PITPNC1: variants seen among roughly 807,000 people sequenced by gnomAD.
PITPNC1 encodes cytoplasmic phosphatidylinositol transfer protein 1.
PITPNC1 carries 18 observed loss-of-function variants against 44.7 expected under a neutral mutation model. That is an observed-to-expected ratio of 0.40 (90% CI 0.28 to 0.60). PITPNC1 has a LOEUF of 0.60. Among genes scored for constraint, PITPNC1 ranks in the 20% least tolerant of loss-of-function variants. The pLI, the probability that PITPNC1 is intolerant of heterozygous loss-of-function variation, is 0.39. For missense variants in PITPNC1, 290 were observed against 418.4 expected (o/e 0.69, Z 2.68); for synonymous variants, 141 against 149.6 (o/e 0.94, Z 0.42).
At chr17:67,544,438 A>G (rs911018453) in intron 2 of PITPNC1, among the ~76,000 whole-genome samples, 2 of 152,198 alleles carry the variant, frequency 1.3e-5, no homozygotes, top group African/African-American at 4.8e-5. Flanking sequence ...TGGAGAAAAG[A>G]TGGAGGCTAT....
At chr17:67,579,711 G>A (rs2041202767) in intron 5 of PITPNC1, among the ~76,000 whole-genome samples, 1 of 150,368 alleles carries the variant, frequency 6.7e-6, no homozygotes, top group Non-Finnish European at 1.5e-5. Flanking sequence ...GGCCAAGGTG[G>A]GCAGATTGTC....
At chr17:67,506,216 A>G (rs2040099015) in intron 1 of PITPNC1, among the ~76,000 whole-genome samples, 1 of 152,242 alleles carries the variant, frequency 6.6e-6, no homozygotes, top group Non-Finnish European at 1.5e-5. Flanking sequence ...ATTTCAATAT[A>G]TTTTAATGTG....
intron 1 of PITPNC1, among the ~76,000 whole-genome samples, chr17:67,440,349 C>CA (rs939180103): frequency 3.9e-4 from 60 of 152,166 alleles, no homozygotes; most frequent in African/African-American, 1.3e-3. Flanking sequence ...ATCTAGACCT[C>CA]AAAAGGAAAA....
rs373271927 is a variant in PITPNC1, at chr17:67,461,683, T to C, written c.49-71119T>C. 2.8e-4 allele frequency among the ~76,000 whole-genome samples: 42 copies of C among 152,204 alleles called. No individual in the cohort carries two copies. The South Asian group carries it at 7.7e-3, about 28-fold the overall frequency. On this transcript the variant is annotated intron_variant, in intron 1 of 8. Transcript: ENST00000581322. ...GGCTCACACCTGTAATTCCAAAACT[T>C]TGGGAGGCCAAGAGGATCGCTTGAG...
At chr17:67,534,876 G>T (rs1300864809) in intron 2 of PITPNC1, among the ~76,000 whole-genome samples, 1 of 151,962 alleles carries the variant, frequency 6.6e-6, no homozygotes, top group Non-Finnish European at 1.5e-5. Flanking sequence ...CCATTCTCAG[G>T]GCCTCGGACG....
intron 2 of PITPNC1, among the ~76,000 whole-genome samples, chr17:67,533,984 T>A (rs2040496119): frequency 1.3e-5 from 2 of 152,234 alleles, no homozygotes; most frequent in South Asian, 4.1e-4. Flanking sequence ...AACCTCCGCC[T>A]CCTGGGTTCA....
intron 1 of PITPNC1, among the ~76,000 whole-genome samples, chr17:67,407,962 A>G (rs1376340843): frequency 2.0e-5 from 3 of 151,616 alleles, no homozygotes; most frequent in Non-Finnish European, 2.9e-5. Context: ...GTTTTATTTT[A>G]TTTTATTTTT....
chr17:67,516,481 A>G (rs1026739828), intron 1 of PITPNC1, among the ~76,000 whole-genome samples: 4 of 152,204 alleles, frequency 2.6e-5, no homozygotes, highest in Non-Finnish European at 5.9e-5. Context: ...TGCTGAACCT[A>G]TAGAAGCCAG....
At chr17:67,407,724 G>A (rs2038421046) in intron 1 of PITPNC1, among the ~76,000 whole-genome samples, 1 of 151,792 alleles carries the variant, frequency 6.6e-6, no homozygotes, top group Non-Finnish European at 1.5e-5. Context: ...AACCCAGGAG[G>A]CAGAGGTTGC....
chr17:67,675,944 C>T (rs1426439957), intron 8 of PITPNC1, among the ~76,000 whole-genome samples: 2 of 152,308 alleles, frequency 1.3e-5, no homozygotes, highest in Middle Eastern at 3.4e-3. Flanking sequence ...CAGTGGCTCA[C>T]GCCTGTAATC....
At chr17:67,578,719 C>A (rs555975571) in intron 5 of PITPNC1, among the ~76,000 whole-genome samples, 1 of 152,232 alleles carries the variant, frequency 6.6e-6, no homozygotes, top group African/African-American at 2.4e-5. Flanking sequence ...CAGTGGCTCA[C>A]GCCTGTAATC....
At chr17:67,441,335 A>G (rs530257720) in intron 1 of PITPNC1, among the ~76,000 whole-genome samples, 42 of 142,994 alleles carry the variant, frequency 2.9e-4, no homozygotes, top group African/African-American at 1.1e-3. Context: ...CGCATTTCCC[A>G]CACCTGATGA....
chr17:67,555,926 C>G (rs2040833164), intron 4 of PITPNC1, among the ~76,000 whole-genome samples: 1 of 152,164 alleles, frequency 6.6e-6, no homozygotes, highest in South Asian at 2.1e-4. Flanking sequence ...GATGGCATAA[C>G]TGAGCAATTA....
chr17:67,457,475 C>T (rs1220088481), intron 1 of PITPNC1: 1 of 152,380 alleles, frequency 6.6e-6, no homozygotes, highest in Non-Finnish European at 1.5e-5. Flanking sequence ...CAAGCTCCGC[C>T]TCCCAGGTTC....
rs1186041412 is a variant in PITPNC1, at chr17:67,696,723, C to G, written c.*3835C>G. The G allele has an allele frequency of 6.6e-6, 1 of 152,194 alleles. No individual in the cohort carries two copies. Among genetic ancestry groups the G allele is most frequent in the African/African-American group, 2.4e-5 (1 of 41,468 alleles). The allele number at this position is 152,194 out of a possible 1,614,324, so 9.4% of individuals were successfully genotyped here. Reference sequence around the variant, plus strand: ...GTTCTTTTGTGTTCTACCTTCAAAACAATCTGTTTGCATTTGAAATATAAG... The same window carrying G: ...GTTCTTTTGTGTTCTACCTTCAAAAGAATCTGTTTGCATTTGAAATATAAG... On this transcript the variant is annotated 3_prime_UTR_variant, in exon 9 of 9. Transcript: ENST00000581322.
chr17:67,579,189 AC>A (rs2041192967), intron 5 of PITPNC1, among the ~76,000 whole-genome samples: 1 of 152,156 alleles, frequency 6.6e-6, no homozygotes, highest in South Asian at 2.1e-4. Flanking sequence ...GTTGGGTAAA[AC>A]CCATCTTCTG....
chr17:67,642,592 T>C (rs946323786), intron 6 of PITPNC1, among the ~76,000 whole-genome samples: 4 of 152,210 alleles, frequency 2.6e-5, no homozygotes, highest in African/African-American at 9.6e-5. Context: ...AGACCAATAA[T>C]TGGCATGGCA....
intron 1 of PITPNC1, among the ~76,000 whole-genome samples, chr17:67,435,828 G>C (rs537590086): frequency 6.6e-6 from 1 of 152,240 alleles, no homozygotes; most frequent in South Asian, 2.1e-4. Flanking sequence ...CTCCAGCCTG[G>C]ACAACAGAGC....
intron 4 of PITPNC1, among the ~76,000 whole-genome samples, chr17:67,568,019 A>G (rs2041003811): frequency 6.6e-6 from 1 of 152,178 alleles, no homozygotes; most frequent in African/African-American, 2.4e-5. Flanking sequence ...AGAAAGAAGA[A>G]AGAAAGATAG....
Sources: allele counts gnomAD v4.1 joint callset (sites outside exome capture counted in the v4.1 genomes callset), GRCh38; gene constraint gnomAD v4.1.1; transcripts MANE v1.5; gene names NCBI Gene and HGNC (gene_info 2026-07-23, HGNC 2026-07-21).